FOXK2: variants seen among roughly 807,000 people sequenced by gnomAD.
FOXK2 encodes the protein forkhead box protein K2.
FOXK2 carries 24 observed loss-of-function variants against 53.3 expected under a neutral mutation model. The ratio of observed to expected loss-of-function variants is 0.45; its 90% CI spans 0.33 to 0.63. FOXK2 has a LOEUF of 0.63. Ranked by LOEUF, FOXK2 falls within the 30% of genes least tolerant of loss-of-function variation. FOXK2 has a pLI of 0.03. For synonymous variants in FOXK2, 505 were observed against 407.1 expected (o/e 1.24, Z -2.89); for missense variants, 952 against 910.5 (o/e 1.05, Z -0.59).
intron 7 of FOXK2, among the ~76,000 whole-genome samples, chr17:82,586,639 C>T (rs935877798): frequency 8.6e-5 from 13 of 151,992 alleles, no homozygotes; most frequent in Non-Finnish European, 1.5e-4. Context: ...CAGTGGCTCA[C>T]ACCTGTAATC....
Position 82,601,473 on chromosome 17 carries a change from G to A in FOXK2, c.1957G>A (p.Val653Ile), listed in dbSNP as rs563189443. ...ALSVDTPPAA[V>I]REKGVQN Reference sequence around the variant, plus strand: ...GAGCGTGGACACGCCACCGGCAGCCGTAAGGGAAAAGGGTGTCCAGAACTA... The same window carrying A: ...GAGCGTGGACACGCCACCGGCAGCCATAAGGGAAAAGGGTGTCCAGAACTA... Residue 653 changes from valine to isoleucine, a missense_variant, in exon 9 of 9, where the codon GTA (valine) becomes ATA (isoleucine). Around this residue, in one of 5 missense-constraint regions of FOXK2, gnomAD observed 551 missense variants for 385.1 expected, o/e 1.43. Transcript: ENST00000335255. 4.5e-5 allele frequency: 72 copies of A among 1,610,520 alleles called. No homozygotes were observed. Among genetic ancestry groups the A allele is most frequent in the African/African-American group, 8.0e-5 (6 of 75,024 alleles).
intron 1 of FOXK2, among the ~76,000 whole-genome samples, chr17:82,527,900 A>G (rs903678812): frequency 6.6e-6 from 1 of 152,134 alleles, no homozygotes; most frequent in African/African-American, 2.4e-5. Flanking sequence ...TCCTGGACTC[A>G]AGCGATCTTC....
At chr17:82,581,544 C>T (rs4789803) in intron 4 of FOXK2, among the ~76,000 whole-genome samples, 45,544 of 149,146 alleles carry the variant, frequency 0.31, 8,703 homozygotes, top group African/African-American at 0.52. Flanking sequence ...GGCGCAATCT[C>T]GGCTCACTGC....
intron 1 of FOXK2, among the ~76,000 whole-genome samples, chr17:82,531,699 A>G (rs1599879463): frequency 1.3e-5 from 2 of 152,314 alleles, no homozygotes; most frequent in Middle Eastern, 6.8e-3. Context: ...GGTACAAAAG[A>G]TAAAGGTACA....
At chr17:82,574,321 C>CTCT (rs2044956778) in intron 4 of FOXK2, among the ~76,000 whole-genome samples, 1 of 137,220 alleles carries the variant, frequency 7.3e-6, no homozygotes, top group African/African-American at 2.7e-5. Flanking sequence ...TACTCTCTCT[C>CTCT]TTTTTTTTTT....
At chr17:82,558,260 C>T (rs1051169378) in intron 1 of FOXK2, among the ~76,000 whole-genome samples, 1 of 152,098 alleles carries the variant, frequency 6.6e-6, no homozygotes, top group Non-Finnish European at 1.5e-5. Flanking sequence ...ATCCCTTGAG[C>T]CTGGGAAGTT....
rs936081640 is a variant in FOXK2 at position 82,601,799 on chromosome 17, C to T, written c.*300C>T. ...AGGACCAGGCATCGCTGTGTGAGGA[C>T]GGCACGGCCAGCGCCTGCTGTGAGT... On this transcript the variant is annotated 3_prime_UTR_variant, in exon 9 of 9. Transcript: ENST00000335255. 1.9e-4 allele frequency: 54 copies of T among 290,714 alleles called. No individual in the cohort carries two copies. In the South Asian group the frequency reaches 3.6e-3, roughly 19 times the overall value. The allele number at this position is 290,714 out of a possible 1,614,324, so 18.0% of individuals were successfully genotyped here.
intron 4 of FOXK2, among the ~76,000 whole-genome samples, chr17:82,573,686 G>A (rs986750807): frequency 6.6e-6 from 1 of 152,096 alleles, no homozygotes; most frequent in Non-Finnish European, 1.5e-5. Flanking sequence ...GGTCCAGCTT[G>A]CTCTGTGGGA....
intron 5 of FOXK2, 53 bp from the exon 6 acceptor site, chr17:82,583,960 C>G: frequency 6.6e-7 from 1 of 1,526,700 alleles, no homozygotes; most frequent in Non-Finnish European, 8.8e-7. Context: ...ACAGCAAGTG[C>G]TTTCTGAGTG....
In FOXK2 at chr17:82,584,112, C is replaced by G. The variant is rs372041686; in HGVS notation, c.1203C>G (p.Pro401=). ...ESLSREGSPA[P]LEPEPGAAQP... Reference sequence around the variant, plus strand: ...TGTCGAGGGAAGGTTCGCCGGCCCCCCTGGAGCCTGAGCCTGGCGCTGCAC... The same window carrying G: ...TGTCGAGGGAAGGTTCGCCGGCCCCGCTGGAGCCTGAGCCTGGCGCTGCAC... Residue 401 remains proline, a synonymous_variant, in exon 6 of 9, where the codon CCC becomes CCG. Transcript: ENST00000335255. The G allele has an allele frequency of 6.2e-6, 10 of 1,611,392 alleles. No individual in the cohort carries two copies. Among genetic ancestry groups the G allele is most frequent in the South Asian group, 4.4e-5 (4 of 91,020 alleles).
intron 1 of FOXK2, among the ~76,000 whole-genome samples, chr17:82,520,836 TTCAGTA>T (rs2044354325): frequency 3.3e-5 from 5 of 152,336 alleles, no homozygotes; most frequent in African/African-American, 4.8e-5. Context: ...CTGCCGTGTT[TTCAGTA>T]GGCCAAATTG....
chr17:82,539,003 G>A (rs1357072527), intron 1 of FOXK2, among the ~76,000 whole-genome samples: 3 of 152,248 alleles, frequency 2.0e-5, no homozygotes, highest in South Asian at 4.1e-4. Context: ...TTAAGACTGA[G>A]AGGTGATGGG....
intron 1 of FOXK2, among the ~76,000 whole-genome samples, chr17:82,547,301 G>A (rs1478577980): frequency 6.6e-6 from 1 of 152,136 alleles, no homozygotes; most frequent in African/African-American, 2.4e-5. Context: ...AGGGTGTCCA[G>A]TCTTTAGGCT....
At chr17:82,534,711 C>T (rs965615810) in intron 1 of FOXK2, among the ~76,000 whole-genome samples, 1 of 152,236 alleles carries the variant, frequency 6.6e-6, no homozygotes, top group African/African-American at 2.4e-5. Flanking sequence ...CCTCAGCACT[C>T]ACTCCTGTTC....
chr17:82,576,515 G>C, intron 4 of FOXK2: 1 of 593,402 alleles, frequency 1.7e-6, no homozygotes, highest in Non-Finnish European at 2.9e-6. Flanking sequence ...ACAAAACAGA[G>C]TCAGTCTTTT....
chr17:82,561,912 G>T (rs909831317), intron 1 of FOXK2, among the ~76,000 whole-genome samples: 2 of 152,206 alleles, frequency 1.3e-5, no homozygotes, highest in East Asian at 1.9e-4. Flanking sequence ...TGTTGGGGGG[G>T]GGGGGTGCCC....
intron 4 of FOXK2, among the ~76,000 whole-genome samples, chr17:82,582,514 A>G (rs2045076233): frequency 6.6e-6 from 1 of 152,178 alleles, no homozygotes; most frequent in African/African-American, 2.4e-5. Context: ...CATCGTTTAT[A>G]AGCATGATGA....
intron 8 of FOXK2, chr17:82,596,043 C>T (rs1182822454): frequency 8.9e-7 from 1 of 1,122,532 alleles, no homozygotes; most frequent in Non-Finnish European, 1.1e-6. Flanking sequence ...CATCTCTGGC[C>T]TACCGCAGTG....
Position 82,601,493 on chromosome 17 carries a change from G to C in FOXK2, c.1977G>C (p.Gln659His). 1 of 1,601,064 alleles carries C rather than the reference G, an allele frequency of 6.2e-7. No homozygotes were observed. The highest frequency in any genetic ancestry group is 1.1e-5 in the South Asian group (1 of 90,830). ...CAGCCGTAAGGGAAAAGGGTGTCCA[G>C]AACTAGCGACCGGGAGAGCTTTTCT... is the stretch of plus-strand genomic sequence containing the variant. ...PPAAVREKGV[Q>H]N Residue 659 changes from glutamine (Q) to histidine (H), a missense_variant, in exon 9 of 9, where the codon CAG becomes CAC. Gln to His is a conservative substitution (Grantham distance 24, BLOSUM62 0). This residue lies in a region of FOXK2 where 551 missense variants were observed against 385.1 expected (regional missense o/e 1.43). Transcript: ENST00000335255.
Sources: allele counts gnomAD v4.1 joint callset (sites outside exome capture counted in the v4.1 genomes callset), GRCh38; gene constraint gnomAD v4.1.1; regional missense constraint gnomAD v4.1.1; transcripts MANE v1.5; gene names NCBI Gene and HGNC (gene_info 2026-07-23, HGNC 2026-07-21).